The following ESR2 variants were observed in gnomAD, a reference collection of about 807,000 sequenced individuals.
The protein encoded by ESR2 is estrogen receptor 2.
In ESR2, 36 loss-of-function variants were observed where a neutral mutation model predicts 49.6. The observed-to-expected ratio is 0.73, with a 90% CI of 0.56 to 0.96. The LOEUF (loss-of-function observed/expected upper bound fraction) is 0.96. ESR2 is among the 40% of genes least tolerant of loss of function. ESR2 has a pLI of 0.00. For missense variants in ESR2, 714 were observed against 693.0 expected, an observed-to-expected ratio of 1.03 and a Z score of -0.34; for synonymous variants, 320 against 266.1, an observed-to-expected ratio of 1.20 and a Z score of -1.97.
intron 1 of ESR2, among the ~76,000 whole-genome samples, chr14:64,306,501 C>T (rs1290621117): frequency 6.6e-6 from 1 of 152,138 alleles, no homozygotes; most frequent in South Asian, 2.1e-4. Context: ...TTATTAGGAA[C>T]GGATGTTAGA....
chr14:64,274,769 T>C (rs916957114), intron 3 of ESR2, among the ~76,000 whole-genome samples: 2 of 152,200 alleles, frequency 1.3e-5, no homozygotes, highest in Admixed American at 6.5e-5. Context: ...TTAGTACTGC[T>C]TTCACTGTAT....
intron 1 of ESR2, among the ~76,000 whole-genome samples, chr14:64,333,209 G>T (rs1453054080): frequency 6.6e-6 from 1 of 152,106 alleles, no homozygotes; most frequent in Non-Finnish European, 1.5e-5. Flanking sequence ...GGAGCATGGA[G>T]CTCATATGCT....
At chr14:64,314,184 C>G (rs1343128683) in intron 1 of ESR2, among the ~76,000 whole-genome samples, 1 of 151,112 alleles carries the variant, frequency 6.6e-6, no homozygotes, top group Non-Finnish European at 1.5e-5. Flanking sequence ...GATTTCTGAC[C>G]ACAGTGGAAT....
At chr14:64,317,953 C>G (rs147339128) in intron 1 of ESR2, among the ~76,000 whole-genome samples, 3 of 152,046 alleles carry the variant, frequency 2.0e-5, no homozygotes, top group Admixed American at 6.6e-5. Flanking sequence ...ACAGGATATC[C>G]ATGCTTATTG....
chr14:64,285,101 G>A (rs771803235), intron 1 of ESR2, among the ~76,000 whole-genome samples: 15 of 151,936 alleles, frequency 9.9e-5, no homozygotes, highest in Non-Finnish European at 1.8e-4. Context: ...TGCCCGCCTC[G>A]GCCTCCCAAA....
chr14:64,311,195 A>T (rs1188118466), intron 1 of ESR2, among the ~76,000 whole-genome samples: 5 of 152,210 alleles, frequency 3.3e-5, no homozygotes, highest in Non-Finnish European at 7.3e-5. Flanking sequence ...AAGCAATACT[A>T]AAGAAAATTA....
intron 1 of ESR2, among the ~76,000 whole-genome samples, chr14:64,333,177 A>C (rs1005722565): frequency 6.6e-6 from 1 of 152,198 alleles, no homozygotes; most frequent in African/African-American, 2.4e-5. Context: ...GTGAAATTCC[A>C]TGAAATTAAA....
intron 1 of ESR2, among the ~76,000 whole-genome samples, chr14:64,316,790 T>C (rs917548853): frequency 2.0e-5 from 3 of 151,952 alleles, no homozygotes; most frequent in Non-Finnish European, 4.4e-5. Flanking sequence ...GCCTGGGCAA[T>C]GGACTAAGAC....
At chr14:64,283,127 A>G in intron 1 of ESR2, 52 bp from the exon 2 acceptor site, 1 of 709,518 alleles carries the variant, frequency 1.4e-6, no homozygotes, top group Admixed American at 2.9e-5. Flanking sequence ...GCTGTTAACT[A>G]TGAAAATTTA....
intron 1 of ESR2, among the ~76,000 whole-genome samples, chr14:64,314,536 GA>G (rs1247770072): frequency 8.6e-5 from 13 of 151,010 alleles, no homozygotes; most frequent in Admixed American, 6.6e-4. Flanking sequence ...TGTAAAACAG[GA>G]AAAAAATAGA....
At position 64,234,998 on chromosome 14, in the gene ESR2, T is replaced by G; in HGVS notation, c.1378A>C (p.Met460Leu). The G allele has an allele frequency of 6.2e-7, 1 of 1,614,136 alleles. No homozygotes were observed. The part of the protein sequence containing the change: ...QQSMRLANLL[M>L]LLSHVRHASN... ...GCATGCCTGACGTGGGACAGGAGCA[T>G]CAGGAGGTTAGCCAGGCGCATGGAT... is the stretch of plus-strand genomic sequence containing the variant. The change falls in exon 8 of 9, where the codon ATG (methionine) becomes CTG (leucine). Residue 460 changes from methionine (M) to leucine (L), a missense_variant. Transcript: ENST00000341099.
At chr14:64,245,138 C>A (rs955493260) in intron 7 of ESR2, among the ~76,000 whole-genome samples, 3 of 152,074 alleles carry the variant, frequency 2.0e-5, no homozygotes, top group African/African-American at 7.2e-5. Flanking sequence ...CTCACTTAAC[C>A]TAGCAGTGAA....
At chr14:64,328,122 T>C (rs939393331) in intron 1 of ESR2, among the ~76,000 whole-genome samples, 6 of 150,638 alleles carry the variant, frequency 4.0e-5, no homozygotes, top group African/African-American at 1.5e-4. Flanking sequence ...CTCAGGAGGC[T>C]GAGGCAGGAG....
chr14:64,269,774 TGTTA>T (rs1170035127), intron 3 of ESR2, among the ~76,000 whole-genome samples: 1 of 152,226 alleles, frequency 6.6e-6, no homozygotes, highest in African/African-American at 2.4e-5. Context: ...AGTTTGAACT[TGTTA>T]GTTATATAGC....
At chr14:64,268,955 C>G (rs761437474) in intron 3 of ESR2, 44 bp from the exon 4 acceptor site, 46 of 1,104,828 alleles carry the variant, frequency 4.2e-5, no homozygotes, top group Non-Finnish European at 5.7e-5. Flanking sequence ...GCTATGATCT[C>G]TTAGTTAAAT....
chr14:64,292,497 C>T (rs753314023), intron 1 of ESR2, among the ~76,000 whole-genome samples: 2 of 152,058 alleles, frequency 1.3e-5, no homozygotes, highest in African/African-American at 4.8e-5. Context: ...TTTTAAAGTG[C>T]TATTGCATAT....
chr14:64,253,992 T>C (rs547544729), intron 6 of ESR2, among the ~76,000 whole-genome samples: 3 of 152,288 alleles, frequency 2.0e-5, no homozygotes, highest in African/African-American at 7.2e-5. Context: ...CACGTGAATT[T>C]ATGATGAATT....
At position 64,280,148 on chromosome 14, in the gene ESR2, G is replaced by T; in HGVS notation, c.368C>A (p.Thr123Lys). The change falls in exon 3 of 9, where the codon ACA becomes AAA. Residue 123 changes from threonine (T) to lysine (K), a missense_variant. Thr to Lys is a moderately conservative substitution (Grantham distance 78). Transcript: ENST00000341099. ...GTTCCCACTAACCTTCCTTTTCAGT[G>T]TCTCTCTAGGGAGCAAAGAAAATAT... ...LEHTLPVNRETLKRKVSGNRC... is the reference protein window; with the variant it reads ...LEHTLPVNREKLKRKVSGNRC... 6.2e-7 allele frequency: 1 copy of T among 1,613,378 alleles called. No homozygotes were observed. Among genetic ancestry groups the T allele is most frequent in the Non-Finnish European group, 8.5e-7 (1 of 1,179,444 alleles).
chr14:64,301,260 T>C (rs888075060), intron 1 of ESR2: 1 of 152,150 alleles, frequency 6.6e-6, no homozygotes, highest in African/African-American at 2.4e-5. Context: ...AAGTGACAAA[T>C]TAATGGTGGC....
Sources: gnomAD v4.1 joint callset for allele counts (sites outside exome capture counted in the v4.1 genomes callset) on GRCh38, gnomAD v4.1.1 for gene constraint, MANE v1.5 for transcripts, NCBI Gene and HGNC (gene_info 2026-07-23, HGNC 2026-07-21) for gene names.